Variants in ARHGAP25 observed in about 807,000 individuals in gnomAD.
The protein encoded by ARHGAP25 is Rho GTPase activating protein 25.
Under a neutral mutation model 71.0 loss-of-function variants are expected in ARHGAP25, and 34 were observed. The ratio of observed to expected loss-of-function variants is 0.48; its 90% CI spans 0.36 to 0.64. The LOEUF (loss-of-function observed/expected upper bound fraction) is 0.64, where lower values mean the gene tolerates loss of function less well. ARHGAP25 is among the 30% of genes least tolerant of loss of function. The probability of loss-of-function intolerance (pLI) is 0.00; values close to 1 mark genes in which losing one functional copy is unlikely to be tolerated. For synonymous variants in ARHGAP25, 282 were observed against 296.5 expected (o/e 0.95, Z 0.50); for missense variants, 706 against 805.1 (o/e 0.88, Z 1.49).
upstream of ARHGAP25, among the ~76,000 whole-genome samples, chr2:68,730,870 C>T (rs757847441): frequency 1.3e-5 from 2 of 152,268 alleles, no homozygotes; most frequent in South Asian, 2.1e-4. Flanking sequence ...CTCACTCCCC[C>T]ACCTGGCTTC....
At chr2:68,807,998 CA>C (rs1197450650) in intron 5 of ARHGAP25, among the ~76,000 whole-genome samples, 1 of 152,200 alleles carries the variant, frequency 6.6e-6, no homozygotes, top group Non-Finnish European at 1.5e-5. Context: ...AGCCCTTTTG[CA>C]GGAGCACATC....
At chr2:68,761,991 T>C (rs1376559270) in intron 1 of ARHGAP25, among the ~76,000 whole-genome samples, 1 of 152,186 alleles carries the variant, frequency 6.6e-6, no homozygotes, top group Non-Finnish European at 1.5e-5. Flanking sequence ...CAGGTGTCCA[T>C]TGACAAATGA....
At chr2:68,728,511 A>AT (rs747200399) in intron 2 of ARHGAP25, among the ~76,000 whole-genome samples, 7 of 150,814 alleles carry the variant, frequency 4.6e-5, no homozygotes, top group Non-Finnish European at 1.0e-4. Flanking sequence ...TGATTTTTTA[A>AT]TAAAAAAAAA....
Position 68,802,868 on chromosome 2 carries a change from A to G in ARHGAP25, c.467-4405A>G, listed in dbSNP as rs144262285. Among the ~76,000 whole-genome samples the G allele has an allele frequency of 1.3e-3, 198 of 152,228 alleles. 1 individual carries two copies. The highest frequency in any genetic ancestry group is 4.4e-3 in the African/African-American group (183 of 41,522). The stretch of plus-strand genomic sequence containing the variant: ...AGCTGAGGTGGGGGATTATTCTTTC[A>G]TAAATTATATCTATCAATCCATATG... On this transcript the variant is annotated intron_variant, in intron 4 of 10. Transcript: ENST00000409202.
rs35124579 is a variant in ARHGAP25, at chr2:68,802,707, AAGAG to A, written c.467-4544_467-4541del. On this transcript the variant is annotated intron_variant, in intron 4 of 10. Transcript: ENST00000409202. ...ATTGAACTTATGGGAATAGAGGAGA[AAGAG>A]AGAGAGAGAGAGAGAGAGAGAAAAG... Among the ~76,000 whole-genome samples, 204 of 148,084 alleles carry A rather than the reference AAGAG, an allele frequency of 1.4e-3. 1 individual carries two copies. The highest frequency in any genetic ancestry group is 3.4e-3 in the African/African-American group (137 of 40,052).
chr2:68,725,163 T>A (rs1156624552), intron 2 of ARHGAP25, among the ~76,000 whole-genome samples: 1 of 152,130 alleles, frequency 6.6e-6, no homozygotes, highest in Non-Finnish European at 1.5e-5. Context: ...ACCTGCACAA[T>A]CATGCGCAGT....
intron 4 of ARHGAP25, among the ~76,000 whole-genome samples, chr2:68,802,039 G>A (rs1292001318): frequency 6.6e-6 from 1 of 152,170 alleles, no homozygotes; most frequent in Non-Finnish European, 1.5e-5. Context: ...GCAAGAAACA[G>A]AGTTGCAAAA....
intron 2 of ARHGAP25, chr2:68,775,742 C>T (rs547876799): frequency 3.7e-4 from 192 of 524,382 alleles, no homozygotes; most frequent in Admixed American, 9.6e-4. Context: ...TCAGGAAAAC[C>T]GATTTTGGGA....
At chr2:68,738,823 GA>G (rs35421866) in intron 1 of ARHGAP25, among the ~76,000 whole-genome samples, 4,038 of 98,338 alleles carry the variant, frequency 0.041, 81 homozygotes, top group Admixed American at 0.072. Context: ...TCTGTCTCAA[GA>G]AAAAAAAAAA....
intron 5 of ARHGAP25, among the ~76,000 whole-genome samples, chr2:68,809,706 C>T (rs1680638359): frequency 6.6e-6 from 1 of 152,140 alleles, no homozygotes; most frequent in Non-Finnish European, 1.5e-5. Flanking sequence ...TTTGGGAGAG[C>T]AAGGAGCTCC....
chr2:68,736,510 A>G (rs147642355), intron 1 of ARHGAP25, among the ~76,000 whole-genome samples: 1 of 152,346 alleles, frequency 6.6e-6, no homozygotes, highest in Non-Finnish European at 1.5e-5. Context: ...AAATAAGGTC[A>G]TTCTGCCTTC....
At chr2:68,809,370 A>T (rs1198332693) in intron 5 of ARHGAP25, among the ~76,000 whole-genome samples, 1 of 152,182 alleles carries the variant, frequency 6.6e-6, no homozygotes, top group Non-Finnish European at 1.5e-5. Context: ...GGATCATAGA[A>T]TTGACAAAAC....
At chr2:68,751,090 T>C (rs918705162) in intron 1 of ARHGAP25, among the ~76,000 whole-genome samples, 2 of 152,212 alleles carry the variant, frequency 1.3e-5, no homozygotes, top group Admixed American at 1.3e-4. Context: ...ACTCCAAAAA[T>C]TGTCTACCAT....
At chr2:68,815,724 C>T (rs1252092500) in intron 6 of ARHGAP25, among the ~76,000 whole-genome samples, 1 of 152,110 alleles carries the variant, frequency 6.6e-6, no homozygotes, top group African/African-American at 2.4e-5. Context: ...CTCTTCTCTC[C>T]AGCACATGCA....
chr2:68,811,108 A>C (rs755808806), intron 5 of ARHGAP25, among the ~76,000 whole-genome samples: 1 of 152,078 alleles, frequency 6.6e-6, no homozygotes, highest in African/African-American at 2.4e-5. Context: ...TTCTTCACTC[A>C]TTCCATTGGT....
intron 1 of ARHGAP25, among the ~76,000 whole-genome samples, chr2:68,748,102 C>G (rs1675943206): frequency 6.6e-6 from 1 of 152,182 alleles, no homozygotes; most frequent in South Asian, 2.1e-4. Context: ...GATCAGGCCC[C>G]TTCCCCTCTG....
Position 68,826,212 on chromosome 2 carries a change from C to A in ARHGAP25, c.*18C>A. On this transcript the variant is annotated 3_prime_UTR_variant, in exon 11 of 11. Coordinates refer to ENST00000409202, the MANE Select transcript of ARHGAP25 (RefSeq NM_001007231.3). ...AGGCTTAAGGGTCCCAGGAGTACTG[C>A]AGGGACAGCCCCAGAGAGGCCCAAC... 6.2e-7 allele frequency: 1 copy of A among 1,611,794 alleles called. No individual in the cohort carries two copies. The highest frequency in any genetic ancestry group is 8.5e-7 in the Non-Finnish European group (1 of 1,177,910).
chr2:68,718,983 GA>G (rs921895942), intron 2 of ARHGAP25, among the ~76,000 whole-genome samples: 27 of 151,366 alleles, frequency 1.8e-4, no homozygotes, highest in African/African-American at 6.1e-4. Flanking sequence ...AAGCCTCCAA[GA>G]AAAAAAAATT....
chr2:68,735,979 ATTTCT>A (rs1038166859), intron 1 of ARHGAP25, among the ~76,000 whole-genome samples: 1 of 152,182 alleles, frequency 6.6e-6, no homozygotes, highest in African/African-American at 2.4e-5. Context: ...CTTTACATAG[ATTTCT>A]TCTATTGCTA....
Sources: gnomAD v4.1 joint callset for allele counts (sites outside exome capture counted in the v4.1 genomes callset) on GRCh38, gnomAD v4.1.1 for gene constraint, MANE v1.5 for transcripts, NCBI Gene and HGNC (gene_info 2026-07-23, HGNC 2026-07-21) for gene names.